GASK1A: variants seen among roughly 807,000 people sequenced by gnomAD.
The protein encoded by GASK1A is golgi associated kinase 1A.
GASK1A carries 40 observed loss-of-function variants against 41.2 expected under a neutral mutation model. That is an observed-to-expected ratio of 0.97 (90% CI 0.75 to 1.27). The LOEUF is 1.27. GASK1A is among the 50% of genes most tolerant of loss of function. The pLI, the probability that GASK1A is intolerant of heterozygous loss-of-function variation, is 0.00. For synonymous variants in GASK1A, 316 were observed against 307.1 expected (o/e 1.03, Z -0.30); for missense variants, 678 against 745.1 (o/e 0.91, Z 1.05).
At chr3:43,023,045 G>T (rs1371060915) in intron 1 of GASK1A, among the ~76,000 whole-genome samples, 1 of 152,182 alleles carries the variant, frequency 6.6e-6, no homozygotes, top group African/African-American at 2.4e-5. Flanking sequence ...ATCCCCAAAT[G>T]CTGTGCATGT....
intron 1 of GASK1A, among the ~76,000 whole-genome samples, chr3:43,016,162 A>G (rs1034334936): frequency 6.7e-6 from 1 of 150,020 alleles, no homozygotes; most frequent in African/African-American, 2.5e-5. Flanking sequence ...TGGCTGTGTG[A>G]CGTTACAGGA....
chr3:42,979,722 C>A lies in GASK1A; in HGVS notation c.3+77C>A, dbSNP rs1470154651. The A allele has an allele frequency of 6.5e-6, 8 of 1,230,016 alleles. No individual in the cohort carries two copies. The African/African-American group carries it at 1.2e-4, about 19-fold the overall frequency. The allele number at this position is 1,230,016 out of a possible 1,614,324, so 76.2% of individuals were successfully genotyped here. A position where few individuals can be genotyped will look rare whatever the true frequency, so the allele number is the denominator to read the frequency against. ...ACAGGTGGCTGCAGTCAACGCGCAG[C>A]GGCCCAGGGCGCGCGCAGCCTGCGC... On this transcript the variant is annotated intron_variant, in intron 1 of 4. Coordinates refer to ENST00000430121, the MANE Select transcript of GASK1A (RefSeq NM_001129908.3).
intron 1 of GASK1A, among the ~76,000 whole-genome samples, chr3:43,012,754 C>A (rs376064832): frequency 2.3e-5 from 3 of 130,928 alleles, no homozygotes; most frequent in South Asian, 2.6e-4. Context: ...CATGAAGGGG[C>A]TATGTGAAGT....
intron 2 of GASK1A, chr3:43,037,414 C>T (rs1166044531): frequency 1.1e-6 from 1 of 928,072 alleles, no homozygotes; most frequent in South Asian, 1.4e-5. Context: ...CACACAGAAG[C>T]TGCTCTGGAG....
chr3:43,003,492 CA>C (rs34122767), intron 1 of GASK1A, among the ~76,000 whole-genome samples: 43,091 of 95,520 alleles, frequency 0.45, 6,384 homozygotes, highest in Non-Finnish European at 0.48. Context: ...GAGACTGTCT[CA>C]AAAAAAAAAA....
chr3:42,992,669 G>A (rs923291847), intron 1 of GASK1A, among the ~76,000 whole-genome samples: 7 of 152,126 alleles, frequency 4.6e-5, no homozygotes, highest in Non-Finnish European at 8.8e-5. Flanking sequence ...TCCCTATGAC[G>A]GTGAACTGGA....
intron 1 of GASK1A, among the ~76,000 whole-genome samples, chr3:42,998,267 C>T (rs1026788036): frequency 2.0e-5 from 3 of 152,092 alleles, no homozygotes; most frequent in Admixed American, 6.5e-5. Context: ...CTGGGGGCCT[C>T]ATATCCGAGA....
chr3:43,025,959 T>G (rs1456754978), intron 1 of GASK1A, among the ~76,000 whole-genome samples: 2 of 152,140 alleles, frequency 1.3e-5, no homozygotes, highest in African/African-American at 4.8e-5. Flanking sequence ...GGGAACAGCG[T>G]AAGAAGCAGC....
chr3:43,044,530 C>T (rs1419102115), intron 2 of GASK1A, among the ~76,000 whole-genome samples: 2 of 152,158 alleles, frequency 1.3e-5, no homozygotes, highest in African/African-American at 4.8e-5. Context: ...AGTATCACCT[C>T]CCCATTTTGT....
At chr3:43,036,311 G>C (rs1484396823) in intron 2 of GASK1A, among the ~76,000 whole-genome samples, 4 of 152,204 alleles carry the variant, frequency 2.6e-5, no homozygotes, top group Non-Finnish European at 5.9e-5. Flanking sequence ...CCATTGGCAA[G>C]GCAGAGAGAG....
At chr3:43,008,458 T>C (rs1200569617) in intron 1 of GASK1A, among the ~76,000 whole-genome samples, 1 of 152,242 alleles carries the variant, frequency 6.6e-6, no homozygotes, top group Non-Finnish European at 1.5e-5. Flanking sequence ...AAATGCCTCA[T>C]GAGCATCCCC....
At chr3:43,038,408 G>A (rs911031580) in intron 2 of GASK1A, among the ~76,000 whole-genome samples, 3 of 152,028 alleles carry the variant, frequency 2.0e-5, no homozygotes, top group Admixed American at 1.3e-4. Flanking sequence ...CTGATATTGC[G>A]CTAACCTTGA....
Position 43,041,378 on chromosome 3 carries a change from C to T in GASK1A, c.1290+7825C>T, listed in dbSNP as rs531538557. Among the ~76,000 whole-genome samples, 18 of 152,296 alleles carry T rather than the reference C, an allele frequency of 1.2e-4. 1 individual carries two copies. In the East Asian group the frequency reaches 3.5e-3, roughly 29 times the overall value. On this transcript the variant is annotated intron_variant, in intron 2 of 4. Transcript: ENST00000430121. The stretch of plus-strand genomic sequence containing the variant: ...TGTTCCTATTTCTCCACATCCTCTC[C>T]AGCACCCGTTGTTTCCTGACTTTTT...
chr3:43,001,427 C>A (rs2089408556), intron 1 of GASK1A, among the ~76,000 whole-genome samples: 1 of 152,152 alleles, frequency 6.6e-6, no homozygotes, highest in African/African-American at 2.4e-5. Flanking sequence ...GGGCAGGAAG[C>A]CAGAACAAAG....
chr3:42,994,035 T>C (rs1276978423), intron 1 of GASK1A, among the ~76,000 whole-genome samples: 1 of 152,218 alleles, frequency 6.6e-6, no homozygotes, highest in East Asian at 1.9e-4. Flanking sequence ...TTCATAAATA[T>C]GAAGGACTCC....
chr3:43,027,800 G>T (rs2089553222), intron 1 of GASK1A, among the ~76,000 whole-genome samples: 1 of 152,268 alleles, frequency 6.6e-6, no homozygotes, highest in East Asian at 1.9e-4. Flanking sequence ...TTGATGAAAA[G>T]GTCAAACTGT....
intron 2 of GASK1A, among the ~76,000 whole-genome samples, chr3:43,051,498 G>GT (rs1162633028): frequency 6.6e-6 from 1 of 152,150 alleles, no homozygotes; most frequent in Non-Finnish European, 1.5e-5. Context: ...GGTATTTTCA[G>GT]TTTTTTCCTG....
At chr3:43,011,714 A>T (rs2089464385) in intron 1 of GASK1A, among the ~76,000 whole-genome samples, 2 of 151,718 alleles carry the variant, frequency 1.3e-5, no homozygotes, top group South Asian at 4.2e-4. Context: ...GTGGAGCCAG[A>T]GAAAGGGGCT....
intron 1 of GASK1A, among the ~76,000 whole-genome samples, chr3:42,997,025 CCCTT>C (rs1179471265): frequency 2.0e-5 from 3 of 152,240 alleles, no homozygotes; most frequent in African/African-American, 7.2e-5. Context: ...ATCCCACACT[CCCTT>C]CATAGGCCGA....
Sources: allele counts gnomAD v4.1 joint callset (sites outside exome capture counted in the v4.1 genomes callset), GRCh38; gene constraint gnomAD v4.1.1; transcripts MANE v1.5; gene names NCBI Gene and HGNC (gene_info 2026-07-23, HGNC 2026-07-21).